The following CHUK variants were observed in gnomAD, a reference collection of about 807,000 sequenced individuals.
CHUK encodes inhibitor of nuclear factor kappa-B kinase subunit alpha.
Under a neutral mutation model 104.8 loss-of-function variants are expected in CHUK, and 35 were observed. That is an observed-to-expected ratio of 0.33 (90% confidence interval 0.26 to 0.44). The LOEUF is 0.44. CHUK is among the 20% of genes least tolerant of loss of function. The pLI is 1.00. For synonymous variants in CHUK, 276 were observed against 291.9 expected, an observed-to-expected ratio of 0.95 and a Z score of 0.56; for missense variants, 663 against 902.7, an observed-to-expected ratio of 0.73 and a Z score of 3.40.
Position 100,219,111 on chromosome 10 carries a change from T to C in CHUK, c.586A>G (p.Lys196Glu), listed in dbSNP as rs776539848. 3.1e-6 allele frequency: 5 copies of C among 1,613,850 alleles called. No individual in the cohort carries two copies. The South Asian group carries it at 5.5e-5, about 18-fold the overall frequency. The part of the protein sequence containing the change: ...QYLAPELFEN[K>E]PYTATVDYWS... The stretch of plus-strand genomic sequence containing the variant: ...TAATCAACAGTGGCTGTGTAAGGCT[T>C]ATTCTCAAAGAGCTCTGGGGCCTTC... Residue 196 changes from lysine to glutamate, a missense_variant, in exon 7 of 21, where the codon AAG (lysine) becomes GAG (glutamate). Lys to Glu is a moderately conservative substitution (Grantham distance 56, BLOSUM62 1). This residue lies in a region of CHUK where 200 missense variants were observed against 333.0 expected (regional missense o/e 0.60). Transcript: ENST00000370397.
chr10:100,216,994 A>G (rs1845870107), intron 9 of CHUK, among the ~76,000 whole-genome samples: 1 of 152,190 alleles, frequency 6.6e-6, no homozygotes, highest in African/African-American at 2.4e-5. Flanking sequence ...TTAAATGACA[A>G]ATTTTGTGGC....
chr10:100,189,029 T>C lies in CHUK; in HGVS notation c.*569A>G, dbSNP rs113002257. On this transcript the variant is annotated 3_prime_UTR_variant, in exon 21 of 21. Transcript: ENST00000370397. ...GAAGGGGATACTGTTAAATTTTCAG[T>C]GGAATTTAAAATGATTACACCAACT... The C allele has an allele frequency of 2.0e-5, 3 of 152,812 alleles. No individual in the cohort carries two copies. Among genetic ancestry groups the C allele is most frequent in the African/African-American group, 7.2e-5 (3 of 41,562 alleles). The allele number at this position is 152,812 out of a possible 1,614,324, so 9.5% of individuals were successfully genotyped here. A position where few individuals can be genotyped will look rare whatever the true frequency, so the allele number is the denominator to read the frequency against.
At position 100,197,264 on chromosome 10, in the gene CHUK, C is replaced by T. The variant is rs577902594; in HGVS notation, c.1729+2707G>A. 2.0e-5 allele frequency among the ~76,000 whole-genome samples: 3 copies of T among 152,220 alleles called. No individual in the cohort carries two copies. The East Asian group carries it at 5.8e-4, about 29-fold the overall frequency. ...CAGTAGTATAATCTTATGGGACTAC[C>T]ATAGTATACACAATTTGTTGTTAAC... is the stretch of plus-strand genomic sequence containing the variant. On this transcript the variant is annotated intron_variant, in intron 16 of 20. Coordinates refer to ENST00000370397, the MANE Select transcript of CHUK (RefSeq NM_001278.5).
chr10:100,214,518 G>A (rs1183784563), intron 9 of CHUK, among the ~76,000 whole-genome samples: 2 of 152,188 alleles, frequency 1.3e-5, no homozygotes, highest in African/African-American at 4.8e-5. Flanking sequence ...AGACTGAAAT[G>A]GGAAAAGACT....
chr10:100,212,079 C>T (rs1845742314), intron 9 of CHUK, among the ~76,000 whole-genome samples: 1 of 152,070 alleles, frequency 6.6e-6, no homozygotes, highest in African/African-American at 2.4e-5. Flanking sequence ...GATGGGGTTT[C>T]TGCATGTTGC....
intron 14 of CHUK, 55 bp downstream of exon 14, chr10:100,202,033 T>C: frequency 7.8e-7 from 1 of 1,288,114 alleles, no homozygotes; most frequent in Non-Finnish European, 1.1e-6. Flanking sequence ...AAAGATAGTT[T>C]CTAATGGAGA....
At chr10:100,197,964 T>C (rs150312177) in intron 16 of CHUK, among the ~76,000 whole-genome samples, 132 of 152,346 alleles carry the variant, frequency 8.7e-4, no homozygotes, top group African/African-American at 2.9e-3. Flanking sequence ...ACCACTAATC[T>C]CATCAGAAAA....
At chr10:100,208,798 T>TAAAAAAAAAAAA (rs1845653373) in intron 10 of CHUK, among the ~76,000 whole-genome samples, 1 of 79,318 alleles carries the variant, frequency 1.3e-5, no homozygotes, top group African/African-American at 6.0e-5. Flanking sequence ...AAAAAAAAAC[T>TAAAAAAAAAAAA]GGAAGAGCCA....
At chr10:100,193,583 C>T in intron 18 of CHUK, 152 bp from the exon 19 acceptor site, 1 of 870,532 alleles carries the variant, frequency 1.1e-6, no homozygotes, top group Non-Finnish European at 1.8e-6. Flanking sequence ...CACCTTTACA[C>T]ACCATTAGTA....
chr10:100,196,127 G>T (rs999325578), intron 16 of CHUK, among the ~76,000 whole-genome samples: 8 of 152,090 alleles, frequency 5.3e-5, no homozygotes, highest in African/African-American at 1.9e-4. Flanking sequence ...TAAAGAAAAA[G>T]AATTGGACTT....
At chr10:100,203,918 T>G (rs1845528204) in intron 13 of CHUK, among the ~76,000 whole-genome samples, 1 of 152,122 alleles carries the variant, frequency 6.6e-6, no homozygotes, top group South Asian at 2.1e-4. Flanking sequence ...CAACAGAAAT[T>G]TATTTCTTAT....
chr10:100,206,744 GC>G (rs1444154857), intron 11 of CHUK, among the ~76,000 whole-genome samples: 2 of 152,078 alleles, frequency 1.3e-5, no homozygotes, highest in Non-Finnish European at 2.9e-5. Flanking sequence ...ATACATTTTA[GC>G]CCCTCTGCTC....
intron 1 of CHUK, among the ~76,000 whole-genome samples, chr10:100,226,986 C>G (rs1846120509): frequency 6.6e-6 from 1 of 152,184 alleles, no homozygotes; most frequent in Admixed American, 6.5e-5. Context: ...CTAGCCTACC[C>G]ACAGTTCTCA....
At chr10:100,210,948 C>T (rs115076314) in intron 9 of CHUK, among the ~76,000 whole-genome samples, 1 of 152,302 alleles carries the variant, frequency 6.6e-6, no homozygotes, top group African/African-American at 2.4e-5. Context: ...CTCTTCCTTC[C>T]AGTATCCTTA....
At chr10:100,190,736 C>T (rs1373107225) in intron 20 of CHUK, 133 bp downstream of exon 20, 1 of 748,446 alleles carries the variant, frequency 1.3e-6, no homozygotes, top group Non-Finnish European at 2.5e-6. Context: ...AGGATATTCC[C>T]CAAATGCTCT....
chr10:100,197,613 G>C (rs74600450), intron 16 of CHUK, among the ~76,000 whole-genome samples: 10 of 152,014 alleles, frequency 6.6e-5, no homozygotes, highest in Non-Finnish European at 1.0e-4. Flanking sequence ...CTATATTTAC[G>C]TTTTCTCTCT....
In CHUK at chr10:100,188,891, G is replaced by T. The variant is rs529276977; in HGVS notation, c.*707C>A. On this transcript the variant is annotated 3_prime_UTR_variant, in exon 21 of 21. Coordinates refer to ENST00000370397, the MANE Select transcript of CHUK (RefSeq NM_001278.5). ...TTTCAAATACATTATAAATTAACAGGCATCTTCTCTTTGATATTATTAAAT... is the reference window on the plus strand; with the variant it reads ...TTTCAAATACATTATAAATTAACAGTCATCTTCTCTTTGATATTATTAAAT... The T allele has an allele frequency of 6.6e-6, 1 of 152,136 alleles. No homozygotes were observed. The highest frequency in any genetic ancestry group is 1.9e-4 in the East Asian group (1 of 5,182). The allele number at this position is 152,136 out of a possible 1,614,324, so 9.4% of individuals were successfully genotyped here.
chr10:100,209,405 A>T (rs1291998387), intron 10 of CHUK, among the ~76,000 whole-genome samples, 190 bp downstream of exon 10: 1 of 152,162 alleles, frequency 6.6e-6, no homozygotes, highest in African/African-American at 2.4e-5. Context: ...AGTCTTGCAA[A>T]GTTCAAAACA....
At chr10:100,218,661 G>A (rs1845916565) in intron 8 of CHUK, 57 bp downstream of exon 8, 8 of 1,091,514 alleles carry the variant, frequency 7.3e-6, no homozygotes, top group South Asian at 3.7e-5. Flanking sequence ...CTACTCTCCT[G>A]CTCCTTTACA....
Sources: gnomAD v4.1 joint callset for allele counts (sites outside exome capture counted in the v4.1 genomes callset) on GRCh38, gnomAD v4.1.1 for gene constraint, gnomAD v4.1.1 regional missense constraint, MANE v1.5 for transcripts, NCBI Gene and HGNC (gene_info 2026-07-23, HGNC 2026-07-21) for gene names.